The following TYW1B variants were observed in gnomAD, a reference collection of about 807,000 sequenced individuals.
TYW1B encodes the protein S-adenosyl-L-methionine-dependent tRNA 4-demethylwyosine synthase TYW1B.
TYW1B carries 73 observed loss-of-function variants against 86.9 expected under a neutral mutation model. That is an observed-to-expected ratio of 0.84 (90% CI 0.70 to 1.02). The LOEUF (loss-of-function observed/expected upper bound fraction) is 1.02, where lower values mean the gene tolerates loss of function less well. Among genes scored for constraint, TYW1B ranks in the 50% least tolerant of loss-of-function variants. The pLI, the probability that TYW1B is intolerant of heterozygous loss-of-function variation, is 0.00. For synonymous variants in TYW1B, 248 were observed against 292.8 expected (o/e 0.85, Z 1.56); for missense variants, 637 against 827.4 (o/e 0.77, Z 2.82).
In TYW1B at chr7:72,828,189, C is replaced by T. The variant is rs1266407008; in HGVS notation, c.-114G>A. 12 of 1,560,060 alleles carry T rather than the reference C, an allele frequency of 7.7e-6. No individual in the cohort carries two copies. The highest frequency in any genetic ancestry group is 1.0e-5 in the Non-Finnish European group (12 of 1,149,070). ...GCGGCGTTAGCGCCGTACCGAGTGG[C>T]TGCAGAACTGTGGGCAGCTACGACG... On this transcript the variant is annotated 5_prime_UTR_variant, in exon 1 of 14. Coordinates refer to ENST00000620995, the MANE Select transcript of TYW1B (RefSeq NM_001145440.3).
chr7:72,748,627 T>A (rs1298922630), intron 7 of TYW1B, among the ~76,000 whole-genome samples: 2 of 151,426 alleles, frequency 1.3e-5, no homozygotes, highest in East Asian at 3.9e-4. Flanking sequence ...TCTAACTTGC[T>A]AAGAGTTTTT....
intron 7 of TYW1B, among the ~76,000 whole-genome samples, chr7:72,762,152 G>A (rs1225127333): frequency 6.6e-6 from 1 of 152,014 alleles, no homozygotes; most frequent in Non-Finnish European, 1.5e-5. Context: ...TCTGAAATCT[G>A]TTTCTTTAAC....
In TYW1B at chr7:72,825,101, CAA is replaced by C. The variant is rs58039217; in HGVS notation, c.135+1752_135+1753del. On this transcript the variant is annotated intron_variant, in intron 2 of 13. Coordinates refer to ENST00000620995, the MANE Select transcript of TYW1B (RefSeq NM_001145440.3). ...CTGGGCAACAGAGAGACCCTGTCTCCAAAAAAAAAAAAAAAAGCAAAAAGGAG... is the reference window on the plus strand; with the variant it reads ...CTGGGCAACAGAGAGACCCTGTCTCCAAAAAAAAAAAAAAGCAAAAAGGAG... Among the ~76,000 whole-genome samples, 738 of 74,890 alleles carry C rather than the reference CAA, an allele frequency of 9.9e-3. 5 individuals carry two copies. Among genetic ancestry groups the C allele is most frequent in the African/African-American group, 0.03 (579 of 19,062 alleles). 49.1% of individuals were successfully genotyped at this position (74,890 alleles called of 152,430 possible). A position where few individuals can be genotyped will look rare whatever the true frequency, so the allele number is the denominator to read the frequency against.
chr7:72,769,544 A>G (rs782670979), intron 7 of TYW1B, among the ~76,000 whole-genome samples: 1 of 152,206 alleles, frequency 6.6e-6, no homozygotes, highest in Non-Finnish European at 1.5e-5. Flanking sequence ...ACTAACCATA[A>G]AAGAAAAATA....
chr7:72,706,242 A>T (rs1814609745), intron 10 of TYW1B, among the ~76,000 whole-genome samples: 1 of 152,128 alleles, frequency 6.6e-6, no homozygotes, highest in Non-Finnish European at 1.5e-5. Context: ...CAGACTGACC[A>T]ACATGGAGAA....
chr7:72,615,946 G>A (rs1554436808), intron 13 of TYW1B, among the ~76,000 whole-genome samples: 2 of 151,322 alleles, frequency 1.3e-5, no homozygotes, highest in Admixed American at 1.3e-4. Context: ...CAAATGAGAA[G>A]GCAAGAGATA....
At chr7:72,694,918 CT>C (rs1814279171) in intron 10 of TYW1B, 96 bp from the exon 11 acceptor site, 2 of 1,382,446 alleles carry the variant, frequency 1.4e-6, no homozygotes, top group African/African-American at 3.0e-5. Context: ...GTATTAAACA[CT>C]TCACAGGGTC....
At chr7:72,775,354 A>C (rs1585974678) in intron 7 of TYW1B, among the ~76,000 whole-genome samples, 1 of 152,176 alleles carries the variant, frequency 6.6e-6, no homozygotes, top group African/African-American at 2.4e-5. Context: ...AAGAAAACTA[A>C]ACTGAGGCAC....
chr7:72,772,007 A>G (rs1787877124), intron 7 of TYW1B, among the ~76,000 whole-genome samples: 1 of 151,774 alleles, frequency 6.6e-6, no homozygotes. Flanking sequence ...TCACCCTGCC[A>G]GGCTGATTTT....
intron 13 of TYW1B, among the ~76,000 whole-genome samples, chr7:72,607,981 A>C (rs1554435185): frequency 5.9e-5 from 9 of 152,204 alleles, no homozygotes; most frequent in Non-Finnish European, 1.5e-5. Context: ...GTCTTACCTA[A>C]AGGAGAAAAA....
intron 11 of TYW1B, among the ~76,000 whole-genome samples, chr7:72,663,195 G>A (rs1354210690): frequency 1.3e-5 from 2 of 151,418 alleles, no homozygotes; most frequent in African/African-American, 2.4e-5. Flanking sequence ...GGGGGGTTGT[G>A]GGGGGGTTGG....
At chr7:72,625,952 TTTATTATAATAGA>T (rs1446248211) in intron 12 of TYW1B, among the ~76,000 whole-genome samples, 1 of 151,272 alleles carries the variant, frequency 6.6e-6, no homozygotes, top group African/African-American at 2.4e-5. Flanking sequence ...GCCAAGCTGC[TTTATTATAATAGA>T]GGTTTTACTG....
intron 12 of TYW1B, among the ~76,000 whole-genome samples, chr7:72,622,562 G>A (rs1357080476): frequency 6.6e-6 from 1 of 152,098 alleles, no homozygotes; most frequent in Non-Finnish European, 1.5e-5. Flanking sequence ...CCCCACATGA[G>A]ACTCTAGTAA....
intron 10 of TYW1B, among the ~76,000 whole-genome samples, chr7:72,711,146 T>C (rs1425692637): frequency 1.1e-4 from 16 of 152,052 alleles, no homozygotes; most frequent in Non-Finnish European, 2.1e-4. Flanking sequence ...TGGGCCCCAG[T>C]AAAACAGTGG....
chr7:72,650,013 A>C (rs1368446393), intron 11 of TYW1B, among the ~76,000 whole-genome samples: 10 of 150,036 alleles, frequency 6.7e-5, no homozygotes, highest in Non-Finnish European at 1.3e-4. Flanking sequence ...CCTCAGCCTC[A>C]TGAGTAGCTG....
rs1554477962 is a variant in TYW1B, at chr7:72,810,641, A to T, written c.262T>A (p.Phe88Ile). 1.9e-6 allele frequency: 3 copies of T among 1,611,628 alleles called. No individual in the cohort carries two copies. In the South Asian group the frequency reaches 3.3e-5, roughly 18 times the overall value. The stretch of plus-strand genomic sequence containing the variant: ...CCGTCAGTGTATGTCGCAACCAGGA[A>T]GACACAGACATTTTTACTAGTCACC... ...EEVTSKNVCV[F>I]LVATYTDGLP... The change falls in exon 4 of 14, where the codon TTC (phenylalanine) becomes ATC (isoleucine). Residue 88 changes from phenylalanine to isoleucine, a missense_variant. By Grantham distance (21) the Phe-to-Ile change is conservative (BLOSUM62 0). Transcript: ENST00000620995.
chr7:72,739,245 G>A (rs1349430984), intron 8 of TYW1B, among the ~76,000 whole-genome samples: 2 of 152,086 alleles, frequency 1.3e-5, no homozygotes, highest in South Asian at 2.1e-4. Flanking sequence ...AACGTTCACC[G>A]AGGTTTAATA....
intron 10 of TYW1B, among the ~76,000 whole-genome samples, chr7:72,713,139 A>AT (rs1786705971): frequency 6.6e-6 from 1 of 150,714 alleles, no homozygotes; most frequent in African/African-American, 2.4e-5. Context: ...TCTCTATTAA[A>AT]AAAAAAAAAA....
At chr7:72,813,772 T>C (rs1359913533) in intron 3 of TYW1B, among the ~76,000 whole-genome samples, 2 of 152,134 alleles carry the variant, frequency 1.3e-5, no homozygotes, top group Non-Finnish European at 2.9e-5. Context: ...CCCAGCACTA[T>C]GGGAGGCCGA....
Sources: gnomAD v4.1 joint callset for allele counts (sites outside exome capture counted in the v4.1 genomes callset) on GRCh38, gnomAD v4.1.1 for gene constraint, MANE v1.5 for transcripts, NCBI Gene and HGNC (gene_info 2026-07-23, HGNC 2026-07-21) for gene names.